The following ADAM23 variants were observed in gnomAD, a reference collection of about 807,000 sequenced individuals.
ADAM23 encodes ADAM metallopeptidase domain 23.
A neutral mutation model predicts 120.1 loss-of-function variants in ADAM23; 33 were observed. That is an observed-to-expected ratio of 0.27 (90% CI 0.21 to 0.37). The LOEUF is 0.37. ADAM23 is among the 10% of genes least tolerant of loss of function. The probability of loss-of-function intolerance (pLI) is 1.00; values close to 1 mark genes in which losing one functional copy is unlikely to be tolerated. For missense variants in ADAM23, 862 were observed against 1,058.2 expected (o/e 0.81, Z 2.57); for synonymous variants, 367 against 375.2 (o/e 0.98, Z 0.25).
intron 11 of ADAM23, 74 bp downstream of exon 11, chr2:206,560,192 A>G (rs1034868963): frequency 6.8e-7 from 1 of 1,462,080 alleles, no homozygotes. Flanking sequence ...GGTTCAGTTA[A>G]GTTAAATATC....
intron 25 of ADAM23, among the ~76,000 whole-genome samples, chr2:206,613,382 A>C (rs1385270006): frequency 6.6e-6 from 1 of 152,168 alleles, no homozygotes; most frequent in Non-Finnish European, 1.5e-5. Flanking sequence ...TTCATACTCC[A>C]GAAGTATGAG....
chr2:206,610,238 G>A (rs1344301713), intron 25 of ADAM23, among the ~76,000 whole-genome samples: 1 of 152,214 alleles, frequency 6.6e-6, no homozygotes, highest in East Asian at 1.9e-4. Flanking sequence ...GGAGAACAAC[G>A]AAGTTCTTTG....
intron 2 of ADAM23, among the ~76,000 whole-genome samples, chr2:206,449,627 G>A (rs1308685977): frequency 5.9e-5 from 9 of 152,120 alleles, no homozygotes; most frequent in African/African-American, 1.4e-4. Context: ...AAAATTAGCC[G>A]GGCGCAGTGG....
intron 24 of ADAM23, among the ~76,000 whole-genome samples, chr2:206,597,857 A>G (rs1343110662): frequency 2.0e-5 from 3 of 152,226 alleles, no homozygotes; most frequent in African/African-American, 4.8e-5. Context: ...TCAGATGCAG[A>G]TGAAGCTCTG....
chr2:206,578,979 C>G (rs1698172413), intron 18 of ADAM23, among the ~76,000 whole-genome samples: 1 of 152,096 alleles, frequency 6.6e-6, no homozygotes, highest in South Asian at 2.1e-4. Flanking sequence ...ATTTGCATTT[C>G]CCTGATCATT....
intron 6 of ADAM23, among the ~76,000 whole-genome samples, chr2:206,544,097 C>G (rs982045197): frequency 6.6e-6 from 1 of 152,152 alleles, no homozygotes; most frequent in African/African-American, 2.4e-5. Flanking sequence ...CCCAACACCA[C>G]CTGTTCCCCA....
chr2:206,544,494 G>A (rs189399560), intron 6 of ADAM23, among the ~76,000 whole-genome samples: 48 of 152,252 alleles, frequency 3.2e-4, no homozygotes, highest in African/African-American at 1.1e-3. Context: ...AGCCAAATGG[G>A]GCTTACAGTC....
At chr2:206,498,704 G>A (rs1338912138) in intron 3 of ADAM23, among the ~76,000 whole-genome samples, 1 of 152,152 alleles carries the variant, frequency 6.6e-6, no homozygotes, top group Non-Finnish European at 1.5e-5. Flanking sequence ...TACCATCAGA[G>A]TGAACAGGCA....
chr2:206,547,528 A>G, intron 7 of ADAM23, 27 bp downstream of exon 7: 2 of 1,567,274 alleles, frequency 1.3e-6, no homozygotes, highest in East Asian at 2.2e-5. Flanking sequence ...AATAGCGATT[A>G]TATTTTATGT....
At chr2:206,504,137 T>C (rs1696447372) in intron 3 of ADAM23, among the ~76,000 whole-genome samples, 1 of 152,212 alleles carries the variant, frequency 6.6e-6, no homozygotes, top group Non-Finnish European at 1.5e-5. Context: ...ATATAATCTT[T>C]ATATATCTTT....
intron 9 of ADAM23, among the ~76,000 whole-genome samples, chr2:206,554,903 A>G (rs1183398371): frequency 6.6e-6 from 1 of 152,050 alleles, no homozygotes; most frequent in Non-Finnish European, 1.5e-5. Context: ...GACACAGTTG[A>G]TTACCCTCTT....
rs1274353728 is a variant in ADAM23 at position 206,618,466 on chromosome 2, A to G, written c.*839A>G. On this transcript the variant is annotated 3_prime_UTR_variant, in exon 26 of 26. Coordinates refer to ENST00000264377, the MANE Select transcript of ADAM23 (RefSeq NM_003812.4). ...TGGAAATAAGAGATTTTGACACATC[A>G]TTTTCACTTGTCTGTATTGAGATAT... 1.3e-5 allele frequency: 2 copies of G among 152,136 alleles called. No individual in the cohort carries two copies. Among genetic ancestry groups the G allele is most frequent in the African/African-American group, 4.8e-5 (2 of 41,418 alleles). The allele number at this position is 152,136 out of a possible 1,614,324, so 9.4% of individuals were successfully genotyped here.
At chr2:206,498,196 A>G (rs915176839) in intron 3 of ADAM23, among the ~76,000 whole-genome samples, 17 of 152,358 alleles carry the variant, frequency 1.1e-4, no homozygotes, top group African/African-American at 4.1e-4. Context: ...TTGCCAAGTC[A>G]ATCCTAAGCC....
intron 3 of ADAM23, among the ~76,000 whole-genome samples, chr2:206,528,977 C>T (rs904351675): frequency 2.6e-5 from 4 of 152,122 alleles, no homozygotes; most frequent in Admixed American, 2.0e-4. Flanking sequence ...TGTCATTATT[C>T]CTAGTGATAG....
intron 3 of ADAM23, among the ~76,000 whole-genome samples, chr2:206,497,510 A>G (rs1007652234): frequency 1.3e-5 from 2 of 152,224 alleles, no homozygotes; most frequent in African/African-American, 2.4e-5. Context: ...TCTCAAAATA[A>G]TAAGAGCTAT....
rs1249737439 is a variant in ADAM23 at position 206,453,901 on chromosome 2, A to C, written c.432+8377A>C. 2.6e-5 allele frequency among the ~76,000 whole-genome samples: 4 copies of C among 152,382 alleles called. No homozygotes were observed. The East Asian group carries it at 7.7e-4, about 29-fold the overall frequency. ...AATTTCCTCATCTGGAACATTACAC[A>C]TTGATAAATTCAAGCCATGTGTATT... On this transcript the variant is annotated intron_variant, in intron 2 of 25. Coordinates refer to ENST00000264377, the MANE Select transcript of ADAM23 (RefSeq NM_003812.4).
rs1252680518 is a variant in ADAM23, at chr2:206,620,174, T to C, written c.*2547T>C. 2 of 152,184 alleles carry C rather than the reference T, an allele frequency of 1.3e-5. No individual in the cohort carries two copies. The highest frequency in any genetic ancestry group is 2.9e-5 in the Non-Finnish European group (2 of 68,032). 9.4% of individuals were successfully genotyped at this position (152,184 alleles called of 1,614,324 possible). A position where few individuals can be genotyped will look rare whatever the true frequency, so the allele number is the denominator to read the frequency against. On this transcript the variant is annotated 3_prime_UTR_variant, in exon 26 of 26. Coordinates refer to ENST00000264377, the MANE Select transcript of ADAM23 (RefSeq NM_003812.4). ...GTTACAAAACAAATTAAATCTCTAT[T>C]GTTAACTTTTAAGCATTTCACAAAC... is the stretch of plus-strand genomic sequence containing the variant.
intron 2 of ADAM23, among the ~76,000 whole-genome samples, chr2:206,451,835 A>G (rs2105850704): frequency 6.6e-6 from 1 of 152,302 alleles, no homozygotes; most frequent in East Asian, 1.9e-4. Context: ...TGTAAGTCCT[A>G]GGAAGTCAAG....
chr2:206,531,183 AT>A (rs1277456907), intron 4 of ADAM23, among the ~76,000 whole-genome samples: 1 of 152,226 alleles, frequency 6.6e-6, no homozygotes, highest in Admixed American at 6.5e-5. Context: ...ACCTTTTGTG[AT>A]AGTATAAAGA....
Sources: allele counts gnomAD v4.1 joint callset (sites outside exome capture counted in the v4.1 genomes callset), GRCh38; gene constraint gnomAD v4.1.1; transcripts MANE v1.5; gene names NCBI Gene and HGNC (gene_info 2026-07-23, HGNC 2026-07-21).